Variants in CEP89 observed in about 807,000 individuals in gnomAD.
CEP89 encodes centrosomal protein 89, also known as centrosomal protein of 89 kDa.
In CEP89, 95 loss-of-function variants were observed where a neutral mutation model predicts 97.6. The observed-to-expected ratio is 0.97, with a 90% confidence interval of 0.82 to 1.15. The LOEUF (loss-of-function observed/expected upper bound fraction) is 1.15. Among genes scored for constraint, CEP89 ranks in the 50% most tolerant of loss-of-function variants. The pLI is 0.00. For missense variants in CEP89, 869 were observed against 947.7 expected, an observed-to-expected ratio of 0.92 and a Z score of 1.09; for synonymous variants, 354 against 349.1, an observed-to-expected ratio of 1.01 and a Z score of -0.16.
rs547853081 is a variant in CEP89 at position 32,883,035 on chromosome 19, AT to A, written c.1966-1023del. Among the ~76,000 whole-genome samples, 111 of 151,162 alleles carry A rather than the reference AT, an allele frequency of 7.3e-4. 1 individual carries two copies. The highest frequency in any genetic ancestry group is 5.7e-3 in the East Asian group (29 of 5,062). Reference sequence around the variant, plus strand: ...CACCACACCTGGTTAATTTTTTTGTATTTTTTTTAATAGAGATGGGGTTTCA... The same window carrying A: ...CACCACACCTGGTTAATTTTTTTGTATTTTTTTAATAGAGATGGGGTTTCA... On this transcript the variant is annotated intron_variant, in intron 17 of 18. Coordinates refer to ENST00000305768, the MANE Select transcript of CEP89 (RefSeq NM_032816.5).
chr19:32,885,324 G>A (rs1024076622), intron 17 of CEP89, among the ~76,000 whole-genome samples: 1 of 152,104 alleles, frequency 6.6e-6, no homozygotes, highest in Non-Finnish European at 1.5e-5. Flanking sequence ...CTCTTGGTTG[G>A]CAGGACTCAT....
At chr19:32,955,757 G>A (rs1200599712) in intron 3 of CEP89, among the ~76,000 whole-genome samples, 3 of 152,094 alleles carry the variant, frequency 2.0e-5, no homozygotes, top group African/African-American at 7.2e-5. Flanking sequence ...CAAGTGATAC[G>A]CCCGCCTCAG....
chr19:32,904,131 G>A lies in CEP89; in HGVS notation c.1566-2719C>T, dbSNP rs138733880. On this transcript the variant is annotated intron_variant, in intron 14 of 18. Coordinates refer to ENST00000305768, the MANE Select transcript of CEP89 (RefSeq NM_032816.5). ...GCAGTGATTGCACCACTGCACTCCA[G>A]CCTGTCCAACAGAGCCAGACCCTGT... is the stretch of plus-strand genomic sequence containing the variant. 2.8e-3 allele frequency among the ~76,000 whole-genome samples: 429 copies of A among 152,344 alleles called. 3 individuals are homozygous for A. Among genetic ancestry groups the A allele is most frequent in the African/African-American group, 9.6e-3 (401 of 41,576 alleles).
chr19:32,911,486 C>T (rs1969999254), intron 14 of CEP89, among the ~76,000 whole-genome samples: 1 of 152,088 alleles, frequency 6.6e-6, no homozygotes, highest in Non-Finnish European at 1.5e-5. Flanking sequence ...AATCCTGTCT[C>T]TAATAAAAAT....
chr19:32,898,794 A>C (rs1283174644), intron 16 of CEP89, among the ~76,000 whole-genome samples: 3 of 151,146 alleles, frequency 2.0e-5, no homozygotes, highest in Non-Finnish European at 4.4e-5. Flanking sequence ...AGGCACAAAA[A>C]TGTCTTGAAC....
In CEP89 at chr19:32,881,906, C is replaced by T. The variant is rs1305579181; in HGVS notation, c.2073G>A (p.Arg691=). 2 of 1,606,348 alleles carry T rather than the reference C, an allele frequency of 1.2e-6. No homozygotes were observed. The highest frequency in any genetic ancestry group is 1.1e-5 in the South Asian group (1 of 90,008). Residue 691 remains arginine (R), a synonymous_variant, in exon 18 of 19, where the codon CGG becomes CGA. Transcript: ENST00000305768. ...TGTCCTTCAGCACCTGGTGCAGGTG[C>T]CGCATCTCCTGCCGGTACTGGGCTG... ...GKTAQYRQEM[R]HLHQVLKDKQ... is the part of the protein sequence containing the mutation.
At chr19:32,971,266 A>C (rs1281119456) in intron 1 of CEP89, 1 of 388,946 alleles carries the variant, frequency 2.6e-6, no homozygotes. Flanking sequence ...AAAAATGAAG[A>C]ATGGCTATAT....
chr19:32,953,938 G>A (rs1459454950), intron 3 of CEP89, 137 bp from the exon 4 acceptor site: 37 of 608,542 alleles, frequency 6.1e-5, no homozygotes, highest in Non-Finnish European at 3.9e-5. Flanking sequence ...GCACAATCTC[G>A]GCTCACTGCA....
intron 5 of CEP89, among the ~76,000 whole-genome samples, chr19:32,944,949 GGTAA>G (rs1451927567): frequency 6.6e-6 from 1 of 152,124 alleles, no homozygotes; most frequent in African/African-American, 2.4e-5. Flanking sequence ...GAGAAAATGA[GGTAA>G]GTAAGTTAGC....
intron 17 of CEP89, among the ~76,000 whole-genome samples, chr19:32,882,767 A>T (rs1200588479): frequency 6.6e-6 from 1 of 152,104 alleles, no homozygotes. Context: ...CTGTCACCAA[A>T]CAGACAGCTG....
chr19:32,925,689 T>C (rs773883032), intron 11 of CEP89, among the ~76,000 whole-genome samples: 1 of 152,078 alleles, frequency 6.6e-6, no homozygotes, highest in South Asian at 2.1e-4. Flanking sequence ...GGTTTCACCA[T>C]GTTGACCAGG....
rs1279152542 is a variant in CEP89 at position 32,915,449 on chromosome 19, C to T, written c.1453G>A (p.Glu485Lys). ...AAAATCTCCAGCTGTTCCCTGTTCT[C>T]CGCCAGCTCCTTTTCCTGGCCGTGG... ...KTHGQEKELAENREQLEILRA... is the reference protein window; with the variant it reads ...KTHGQEKELAKNREQLEILRA... Residue 485 changes from glutamate (E) to lysine (K), a missense_variant, in exon 14 of 19, where the codon GAG becomes AAG. Glu to Lys is a moderately conservative substitution (Grantham distance 56). Coordinates refer to ENST00000305768, the MANE Select transcript of CEP89 (RefSeq NM_032816.5). 6.2e-7 allele frequency: 1 copy of T among 1,613,922 alleles called. No individual in the cohort carries two copies. Among genetic ancestry groups the T allele is most frequent in the Non-Finnish European group, 8.5e-7 (1 of 1,179,980 alleles).
At chr19:32,896,702 T>C (rs116226908) in intron 16 of CEP89, among the ~76,000 whole-genome samples, 243 of 151,766 alleles carry the variant, frequency 1.6e-3, no homozygotes, top group African/African-American at 5.5e-3. Flanking sequence ...GACAAAATAT[T>C]TGCAAAATAT....
rs1159985422 is a variant in CEP89, at chr19:32,945,749, C to T, written c.595+2517G>A. On this transcript the variant is annotated intron_variant, in intron 5 of 18. Coordinates refer to ENST00000305768, the MANE Select transcript of CEP89 (RefSeq NM_032816.5). ...AACTCCCAGGCTCAAGTAATCTTCC[C>T]GCCTTGGCCTCCCAAGGAGCTGGGA... is the stretch of plus-strand genomic sequence containing the variant. Among the ~76,000 whole-genome samples, 5 of 152,142 alleles carry T rather than the reference C, an allele frequency of 3.3e-5. No homozygotes were observed. In the East Asian group the frequency reaches 7.7e-4, roughly 23 times the overall value.
intron 4 of CEP89, among the ~76,000 whole-genome samples, chr19:32,953,234 C>T (rs777749380): frequency 2.0e-5 from 3 of 150,860 alleles, no homozygotes; most frequent in Non-Finnish European, 4.4e-5. Context: ...AGCACGTCAG[C>T]TCCCATTGAG....
rs143858478 is a variant in CEP89, at chr19:32,953,249, G to A, written c.492+366C>T. 1.4e-3 allele frequency among the ~76,000 whole-genome samples: 205 copies of A among 151,210 alleles called. 1 individual carries two copies. The highest frequency in any genetic ancestry group is 4.8e-3 in the African/African-American group (197 of 41,228). ...AGCACGTCAGCTCCCATTGAGACAC[G>A]CATGACGATCTTCCCCGTCAGGCAT... On this transcript the variant is annotated intron_variant, in intron 4 of 18. Transcript: ENST00000305768.
chr19:32,931,704 CTGTG>C (rs910205929), intron 8 of CEP89, 133 bp from the exon 9 acceptor site: 9 of 653,452 alleles, frequency 1.4e-5, no homozygotes, highest in South Asian at 2.2e-5. Context: ...GCGTGTGTGT[CTGTG>C]TGTGTATGTG....
chr19:32,881,971 G>C lies in CEP89; in HGVS notation c.2008C>G (p.His670Asp). ...QAALKLGDIS[H>D]RLLEQQEDFA... Reference sequence around the variant, plus strand: ...TCCTCCTGCTGCTCCAGCAGACGGTGACTGATGTCCCCCAGCTTCAGTGCT... The same window carrying C: ...TCCTCCTGCTGCTCCAGCAGACGGTCACTGATGTCCCCCAGCTTCAGTGCT... Residue 670 changes from histidine (H) to aspartate (D), a missense_variant, in exon 18 of 19, where the codon CAC becomes GAC. Coordinates refer to ENST00000305768, the MANE Select transcript of CEP89 (RefSeq NM_032816.5). 1 of 1,588,162 alleles carries C rather than the reference G, an allele frequency of 6.3e-7. No homozygotes were observed.
intron 16 of CEP89, among the ~76,000 whole-genome samples, chr19:32,893,992 A>G (rs2145879475): frequency 6.6e-6 from 1 of 152,312 alleles, no homozygotes; most frequent in Non-Finnish European, 1.5e-5. Flanking sequence ...GATAAACAAG[A>G]ACAAACAGAA....
Sources: allele counts gnomAD v4.1 joint callset (sites outside exome capture counted in the v4.1 genomes callset), GRCh38; gene constraint gnomAD v4.1.1; transcripts MANE v1.5; gene names NCBI Gene and HGNC (gene_info 2026-07-23, HGNC 2026-07-21).